Variants in ARHGAP5 observed in about 807,000 individuals in gnomAD.
ARHGAP5 encodes rho GTPase-activating protein 5.
In ARHGAP5, 23 loss-of-function variants were observed where a neutral mutation model predicts 116.6. The ratio of observed to expected loss-of-function variants is 0.20; its 90% CI spans 0.14 to 0.28. The LOEUF (loss-of-function observed/expected upper bound fraction) is 0.28, where lower values mean the gene tolerates loss of function less well. Among genes scored for constraint, ARHGAP5 ranks in the 10% least tolerant of loss-of-function variants. The probability of loss-of-function intolerance (pLI) is 1.00; values close to 1 mark genes in which losing one functional copy is unlikely to be tolerated. For synonymous variants in ARHGAP5, 574 were observed against 602.0 expected (o/e 0.95, Z 0.68); for missense variants, 1,405 against 1,774.8 (o/e 0.79, Z 3.74).
intron 3 of ARHGAP5, among the ~76,000 whole-genome samples, chr14:32,130,232 G>T (rs1471085262): frequency 2.8e-4 from 35 of 124,268 alleles, no homozygotes; most frequent in Non-Finnish European, 4.5e-4. Context: ...TTTTTTTTGA[G>T]ATGGAGTCTC....
chr14:32,159,242 T>G lies in ARHGAP5; in HGVS notation c.*4294T>G, dbSNP rs1445813876. 6.6e-6 allele frequency: 1 copy of G among 152,166 alleles called. No individual in the cohort carries two copies. The highest frequency in any genetic ancestry group is 1.5e-5 in the Non-Finnish European group (1 of 67,992). 9.4% of individuals were successfully genotyped at this position (152,166 alleles called of 1,614,324 possible). ...TAGTAGTATTAAGACCTGCAGTATA[T>G]GCACTTTTTGAGTAGCTGTCAAATA... On this transcript the variant is annotated 3_prime_UTR_variant, in exon 7 of 7. Transcript: ENST00000345122.
At chr14:32,118,498 A>C (rs1367737109) in intron 3 of ARHGAP5, among the ~76,000 whole-genome samples, 1 of 149,864 alleles carries the variant, frequency 6.7e-6, no homozygotes. Context: ...CTCCATCTCA[A>C]AAAAAAAAAG....
At chr14:32,082,515 CT>C (rs779965265) in intron 1 of ARHGAP5, among the ~76,000 whole-genome samples, 1 of 152,072 alleles carries the variant, frequency 6.6e-6, no homozygotes, top group Non-Finnish European at 1.5e-5. Flanking sequence ...ACCAAGCTCT[CT>C]TTGTCTTGCA....
chr14:32,078,683 T>G (rs930628358), intron 1 of ARHGAP5, among the ~76,000 whole-genome samples: 3 of 152,188 alleles, frequency 2.0e-5, no homozygotes, highest in Non-Finnish European at 2.9e-5. Context: ...TTAGGTGGTG[T>G]TTATCCGCAT....
At position 32,099,680 on chromosome 14, in the gene ARHGAP5, C is replaced by T. The variant is rs1878701558; in HGVS notation, c.3717+5294C>T. ...TCAGTCTGTATCTCAGAACGGTCCT[C>T]TGCCCATTTGCTGGATTAGTTTTCT... On this transcript the variant is annotated intron_variant, in intron 2 of 6. Coordinates refer to ENST00000345122, the MANE Select transcript of ARHGAP5 (RefSeq NM_001030055.2). Among the ~76,000 whole-genome samples, 3 of 152,200 alleles carry T rather than the reference C, an allele frequency of 2.0e-5. No homozygotes were observed. In the East Asian group the frequency reaches 5.8e-4, roughly 29 times the overall value.
Position 32,157,642 on chromosome 14 carries a change from T to C in ARHGAP5, c.*2694T>C, listed in dbSNP as rs1166609186. 1 of 151,876 alleles carries C rather than the reference T, an allele frequency of 6.6e-6. No individual in the cohort carries two copies. Among genetic ancestry groups the C allele is most frequent in the Non-Finnish European group, 1.5e-5 (1 of 67,734 alleles). The allele number at this position is 151,876 out of a possible 1,614,324, so 9.4% of individuals were successfully genotyped here. On this transcript the variant is annotated 3_prime_UTR_variant, in exon 7 of 7. Coordinates refer to ENST00000345122, the MANE Select transcript of ARHGAP5 (RefSeq NM_001030055.2). ...ACACTTATTAGGATATACAACTAAT[T>C]TAAGAATAAAATTCCAGGCACAATA...
At chr14:32,078,467 C>A (rs905082362) in intron 1 of ARHGAP5, among the ~76,000 whole-genome samples, 4 of 152,126 alleles carry the variant, frequency 2.6e-5, no homozygotes, top group African/African-American at 9.7e-5. Flanking sequence ...TTTGTGCTTA[C>A]GTTTTAAGTT....
Position 32,091,897 on chromosome 14 carries a change from G to A in ARHGAP5, c.1228G>A (p.Ala410Thr). ...ATTTGACCTCCTGAGCACTTTAGAAGCTGAAAAAGTCTATCAGAACCATGT... is the reference window on the plus strand; with the variant it reads ...ATTTGACCTCCTGAGCACTTTAGAAACTGAAAAAGTCTATCAGAACCATGT... ...IPFDLLSTLE[A>T]EKVYQNHVQH... The change falls in exon 2 of 7, where the codon GCT (alanine) becomes ACT (threonine). Residue 410 changes from alanine to threonine, a missense_variant. This residue lies in a region of ARHGAP5 where 944 missense variants were observed against 1,095.3 expected (regional missense o/e 0.86). Coordinates refer to ENST00000345122, the MANE Select transcript of ARHGAP5 (RefSeq NM_001030055.2). 1 of 1,613,520 alleles carries A rather than the reference G, an allele frequency of 6.2e-7. No homozygotes were observed. Among genetic ancestry groups the A allele is most frequent in the Admixed American group, 1.7e-5 (1 of 59,962 alleles).
In ARHGAP5 at chr14:32,120,129, ATAGTGCTATT is replaced by A. The variant is rs1879809627; in HGVS notation, c.3865+2843_3865+2852del. Among the ~76,000 whole-genome samples the A allele has an allele frequency of 5.3e-5, 8 of 152,216 alleles. No individual in the cohort carries two copies. The South Asian group carries it at 1.5e-3, about 28-fold the overall frequency. ...TTTAATTTAAGTTTCTTTAGTAGAT[ATAGTGCTATT>A]CAGATTTTTTATTTCTTCTGGAGTA... On this transcript the variant is annotated intron_variant, in intron 3 of 6. Coordinates refer to ENST00000345122, the MANE Select transcript of ARHGAP5 (RefSeq NM_001030055.2).
At chr14:32,077,891 AAC>A (rs1291386602) in intron 1 of ARHGAP5, among the ~76,000 whole-genome samples, 7 of 152,162 alleles carry the variant, frequency 4.6e-5, no homozygotes, top group South Asian at 2.1e-4. Context: ...GATTCGCGGA[AAC>A]ACAGTCTCGG....
At chr14:32,151,545 G>A (rs1383517688) in intron 5 of ARHGAP5, among the ~76,000 whole-genome samples, 2 of 152,184 alleles carry the variant, frequency 1.3e-5, no homozygotes, top group African/African-American at 2.4e-5. Flanking sequence ...GCTGAGAGTC[G>A]TTTTTACACC....
At chr14:32,149,809 TAA>T (rs978391889) in intron 4 of ARHGAP5, 91 bp from the exon 5 acceptor site, 9 of 739,992 alleles carry the variant, frequency 1.2e-5, no homozygotes, top group Non-Finnish European at 1.7e-5. Flanking sequence ...GCCCAAGACT[TAA>T]AGTTATCTTT....
At chr14:32,097,649 G>A (rs765936653) in intron 2 of ARHGAP5, among the ~76,000 whole-genome samples, 8 of 152,070 alleles carry the variant, frequency 5.3e-5, no homozygotes, top group Admixed American at 5.2e-4. Flanking sequence ...AAGCATGAGT[G>A]CTGGAAAGGA....
At chr14:32,111,725 C>A (rs1189834983) in intron 2 of ARHGAP5, among the ~76,000 whole-genome samples, 1 of 151,248 alleles carries the variant, frequency 6.6e-6, no homozygotes, top group African/African-American at 2.4e-5. Flanking sequence ...TTATTTTGAT[C>A]TTTTCAATTA....
chr14:32,144,684 A>T (rs1881295526), intron 3 of ARHGAP5, among the ~76,000 whole-genome samples: 1 of 151,954 alleles, frequency 6.6e-6, no homozygotes, highest in African/African-American at 2.4e-5. Context: ...GGTTTTCAAC[A>T]TGTTGGCCAG....
intron 3 of ARHGAP5, among the ~76,000 whole-genome samples, chr14:32,130,720 A>G (rs149706046): frequency 0.029 from 4,341 of 151,084 alleles, 198 homozygotes; most frequent in African/African-American, 0.098. Flanking sequence ...TTTAGTAGAG[A>G]TGGGATTTCA....
At chr14:32,150,259 C>T (rs1371681714) in intron 5 of ARHGAP5, among the ~76,000 whole-genome samples, 1 of 152,052 alleles carries the variant, frequency 6.6e-6, no homozygotes, top group Admixed American at 6.6e-5. Flanking sequence ...CTTAAATGCT[C>T]CTAGAAATTA....
In ARHGAP5 at chr14:32,158,698, A is replaced by G. The variant is rs2139166516; in HGVS notation, c.*3750A>G. 2 of 152,092 alleles carry G rather than the reference A, an allele frequency of 1.3e-5. No individual in the cohort carries two copies. Among genetic ancestry groups the G allele is most frequent in the South Asian group, 4.1e-4 (2 of 4,828 alleles). 9.4% of individuals were successfully genotyped at this position (152,092 alleles called of 1,614,324 possible). ...TTTTTTACTGTATTAGAACTCTTGG[A>G]AGTTCTTAGCCTTTTCAGGTTATGA... On this transcript the variant is annotated 3_prime_UTR_variant, in exon 7 of 7. Transcript: ENST00000345122.
intron 5 of ARHGAP5, among the ~76,000 whole-genome samples, chr14:32,151,125 A>G (rs747081858): frequency 7.9e-5 from 12 of 152,198 alleles, no homozygotes; most frequent in African/African-American, 1.2e-4. Context: ...ACTCTCAGGT[A>G]AAGTGGGAAA....
Sources: gnomAD v4.1 joint callset for allele counts (sites outside exome capture counted in the v4.1 genomes callset) on GRCh38, gnomAD v4.1.1 for gene constraint, gnomAD v4.1.1 regional missense constraint, MANE v1.5 for transcripts, NCBI Gene and HGNC (gene_info 2026-07-23, HGNC 2026-07-21) for gene names.